The following CAST variants were observed in gnomAD, a reference collection of about 807,000 sequenced individuals.
The protein encoded by CAST is calpastatin, also known as MIR583 host.
A neutral mutation model predicts 119.6 loss-of-function variants in CAST; 76 were observed. That is an observed-to-expected ratio of 0.64 (90% CI 0.53 to 0.77). The LOEUF is 0.77. Ranked by LOEUF, CAST falls within the 30% of genes least tolerant of loss-of-function variation. The probability of loss-of-function intolerance (pLI) is 0.00; values close to 1 mark genes in which losing one functional copy is unlikely to be tolerated. For missense variants in CAST, 953 were observed against 946.5 expected, an observed-to-expected ratio of 1.01 and a Z score of -0.09; for synonymous variants, 319 against 331.6, an observed-to-expected ratio of 0.96 and a Z score of 0.41.
At chr5:96,039,752 A>G in the CAST span, among the ~76,000 whole-genome samples, 1 of 152,226 alleles carries the variant, frequency 6.6e-6, no homozygotes, top group Non-Finnish European at 1.5e-5. Flanking sequence ...TGATACCAGT[A>G]TCATGCTGTT....
intron 2 of CAST, among the ~76,000 whole-genome samples, chr5:96,680,422 A>G (rs1331855300): frequency 6.6e-6 from 1 of 150,462 alleles, no homozygotes; most frequent in Non-Finnish European, 1.5e-5. Flanking sequence ...ACCCTCATCT[A>G]GGATTCTAGC....
chr5:96,547,354 C>T (rs541067127), intron 1 of CAST, among the ~76,000 whole-genome samples: 3 of 152,226 alleles, frequency 2.0e-5, no homozygotes, highest in African/African-American at 7.2e-5. Flanking sequence ...GGCATAAGAA[C>T]CAGAAGGAAG....
At chr5:96,395,876 C>A in the CAST span, among the ~76,000 whole-genome samples, 1 of 152,012 alleles carries the variant, frequency 6.6e-6, no homozygotes, top group South Asian at 2.1e-4. Flanking sequence ...CAAAAAGTTG[C>A]ATATTTGGGG....
At chr5:96,067,561 T>G in the CAST span, among the ~76,000 whole-genome samples, 1 of 152,226 alleles carries the variant, frequency 6.6e-6, no homozygotes, top group Non-Finnish European at 1.5e-5. Flanking sequence ...TTTGCTAGAC[T>G]AGGTTTTCCT....
At chr5:96,503,349 G>A in the CAST span, among the ~76,000 whole-genome samples, 1 of 152,130 alleles carries the variant, frequency 6.6e-6, no homozygotes, top group Non-Finnish European at 1.5e-5. Context: ...GTGAAAGGGG[G>A]TGGCCAGCAC....
chr5:96,399,958 C>G, the CAST span: 7 of 1,611,644 alleles, frequency 4.3e-6, no homozygotes, highest in Non-Finnish European at 5.9e-6. Context: ...CTTACCTGGG[C>G]TCAAAGTCAT....
At chr5:96,528,401 G>A (rs561628471), upstream of CAST, among the ~76,000 whole-genome samples, 1 of 152,092 alleles carries the variant, frequency 6.6e-6, no homozygotes, top group African/African-American at 2.4e-5. Flanking sequence ...GCAACCATTG[G>A]CCCCCCTTCC....
the CAST span, among the ~76,000 whole-genome samples, chr5:96,439,846 A>G: frequency 8.1e-4 from 123 of 152,348 alleles, 2 homozygotes; most frequent in East Asian, 0.023. Context: ...TGTTGTAAAC[A>G]AGTAGAGGAA....
chr5:96,004,709 T>C, the CAST span, among the ~76,000 whole-genome samples: 3 of 152,190 alleles, frequency 2.0e-5, no homozygotes, highest in African/African-American at 7.2e-5. Context: ...AAATATTACC[T>C]CAAAGAACTT....
the CAST span, among the ~76,000 whole-genome samples, chr5:96,183,683 G>A: frequency 6.6e-6 from 1 of 152,102 alleles, no homozygotes; most frequent in African/African-American, 2.4e-5. Context: ...GCTCTTTGTG[G>A]TAGTGTAATT....
the CAST span, among the ~76,000 whole-genome samples, chr5:96,149,932 A>G: frequency 1.3e-5 from 2 of 152,256 alleles, no homozygotes; most frequent in Non-Finnish European, 2.9e-5. Flanking sequence ...TTTATTGATA[A>G]ACATAAAAGT....
chr5:96,503,981 A>G, the CAST span, among the ~76,000 whole-genome samples: 34 of 152,288 alleles, frequency 2.2e-4, no homozygotes, highest in African/African-American at 7.7e-4. Flanking sequence ...TCCCACAGAG[A>G]GAGAAGTGAC....
At chr5:96,469,879 A>ATATAATATAT in the CAST span, among the ~76,000 whole-genome samples, 1 of 107,418 alleles carries the variant, frequency 9.3e-6, no homozygotes, top group East Asian at 2.1e-4. Flanking sequence ...ATATATATAT[A>ATATAATATAT]ATATATATAT....
At chr5:96,638,982 T>C (rs1439546711) in intron 1 of CAST, among the ~76,000 whole-genome samples, 1 of 152,234 alleles carries the variant, frequency 6.6e-6, no homozygotes, top group Non-Finnish European at 1.5e-5. Context: ...CTAGACACAC[T>C]AGTCCTCAGA....
chr5:96,232,892 T>A, the CAST span, among the ~76,000 whole-genome samples: 3 of 152,096 alleles, frequency 2.0e-5, no homozygotes, highest in Admixed American at 1.3e-4. Flanking sequence ...AGAGGAAGTT[T>A]GTAAAAATGC....
At chr5:96,436,217 A>C in the CAST span, among the ~76,000 whole-genome samples, 2 of 152,226 alleles carry the variant, frequency 1.3e-5, no homozygotes, top group Non-Finnish European at 2.9e-5. Context: ...TTATAGGGGC[A>C]AACCTACCTA....
At chr5:96,700,561 G>A (rs1183744501) in intron 3 of CAST, among the ~76,000 whole-genome samples, 1 of 152,162 alleles carries the variant, frequency 6.6e-6, no homozygotes, top group East Asian at 1.9e-4. Context: ...AGCTTCCAGT[G>A]GATGTGCTGC....
chr5:96,229,254 A>T, the CAST span, among the ~76,000 whole-genome samples: 1 of 150,716 alleles, frequency 6.6e-6, no homozygotes, highest in Non-Finnish European at 1.5e-5. Flanking sequence ...TAGTTATGTG[A>T]AGGATACTAG....
At chr5:96,182,385 A>G in the CAST span, among the ~76,000 whole-genome samples, 28 of 152,340 alleles carry the variant, frequency 1.8e-4, no homozygotes, top group African/African-American at 5.8e-4. Context: ...GAACCCTCCT[A>G]TGAGTTGGAG....
Sources: allele counts gnomAD v4.1 joint callset (sites outside exome capture counted in the v4.1 genomes callset), GRCh38; gene constraint gnomAD v4.1.1; transcripts MANE v1.5; gene names NCBI Gene and HGNC (gene_info 2026-07-23, HGNC 2026-07-21).